SUGCT: variants seen among roughly 807,000 people sequenced by gnomAD.
The protein encoded by SUGCT is succinyl-CoA:glutarate CoA-transferase.
A neutral mutation model predicts 55.0 loss-of-function variants in SUGCT; 41 were observed. That is an observed-to-expected ratio of 0.74 (90% CI 0.58 to 0.97). The LOEUF is 0.97. Among genes scored for constraint, SUGCT ranks in the 50% least tolerant of loss-of-function variants. SUGCT has a pLI of 0.00. For synonymous variants in SUGCT, 187 were observed against 200.4 expected (o/e 0.93, Z 0.56); for missense variants, 568 against 547.8 (o/e 1.04, Z -0.37).
chr7:40,208,884 G>A (rs1471857670), intron 6 of SUGCT, among the ~76,000 whole-genome samples: 1 of 152,074 alleles, frequency 6.6e-6, no homozygotes, highest in Non-Finnish European at 1.5e-5. Flanking sequence ...TTATTTTAAG[G>A]ATTTTGTTTT....
intron 13 of SUGCT, among the ~76,000 whole-genome samples, chr7:40,776,353 T>C (rs1789452027): frequency 6.6e-6 from 1 of 152,210 alleles, no homozygotes; most frequent in Admixed American, 6.5e-5. Context: ...TTGAGTTTTG[T>C]GGGGTTTTGT....
chr7:40,248,013 G>GTT (rs70996895), intron 7 of SUGCT, among the ~76,000 whole-genome samples: 14 of 123,070 alleles, frequency 1.1e-4, no homozygotes, highest in African/African-American at 3.9e-4. Flanking sequence ...TTGTTTTTTT[G>GTT]TTTTTTTTTT....
At chr7:40,358,055 C>T (rs1175711227) in intron 9 of SUGCT, among the ~76,000 whole-genome samples, 2 of 152,112 alleles carry the variant, frequency 1.3e-5, no homozygotes, top group Non-Finnish European at 2.9e-5. Flanking sequence ...CATAGATGCC[C>T]AATAAGTAGT....
chr7:40,296,993 T>C (rs1039456669), intron 8 of SUGCT, among the ~76,000 whole-genome samples: 3 of 152,148 alleles, frequency 2.0e-5, no homozygotes, highest in Non-Finnish European at 4.4e-5. Flanking sequence ...GGAATAATAA[T>C]AGTGTTTGCC....
the SUGCT span, among the ~76,000 whole-genome samples, chr7:40,982,375 C>A: frequency 1.3e-5 from 2 of 152,182 alleles, no homozygotes; most frequent in South Asian, 4.2e-4. Context: ...AACTAAAAAC[C>A]CTTACTGGAC....
chr7:40,182,090 CT>C, intron 3 of SUGCT, 62 bp downstream of exon 3: 2 of 956,706 alleles, frequency 2.1e-6, no homozygotes, highest in Non-Finnish European at 3.2e-6. Flanking sequence ...AAATAATTCT[CT>C]AAATACCCAT....
chr7:40,336,382 C>T (rs1283487570), intron 9 of SUGCT, among the ~76,000 whole-genome samples: 3 of 152,124 alleles, frequency 2.0e-5, no homozygotes, highest in East Asian at 1.9e-4. Context: ...TAGTCCTGGA[C>T]ATTTTTTGGT....
intron 12 of SUGCT, chr7:40,499,497 G>T (rs1792166569): frequency 5.3e-6 from 1 of 188,066 alleles, no homozygotes; most frequent in African/African-American, 2.4e-5. Context: ...ATAAATGAGA[G>T]ATTGTCTACC....
At chr7:40,776,054 T>C (rs1789433307) in intron 13 of SUGCT, among the ~76,000 whole-genome samples, 1 of 152,210 alleles carries the variant, frequency 6.6e-6, no homozygotes, top group Non-Finnish European at 1.5e-5. Context: ...GCCAAGTTCC[T>C]GCTGAGCCAT....
chr7:40,772,629 A>ATCTATCTC (rs1554418170), intron 13 of SUGCT, among the ~76,000 whole-genome samples: 1 of 126,612 alleles, frequency 7.9e-6, no homozygotes, highest in African/African-American at 2.7e-5. Context: ...CTATCTATCT[A>ATCTATCTC]TCTCTATCAT....
At chr7:40,942,842 A>T in the SUGCT span, among the ~76,000 whole-genome samples, 1 of 151,746 alleles carries the variant, frequency 6.6e-6, no homozygotes, top group Non-Finnish European at 1.5e-5. Context: ...TACTTGATCT[A>T]GTCTATTGTT....
intron 9 of SUGCT, among the ~76,000 whole-genome samples, chr7:40,361,360 G>GTCAGGAGATTGAGT (rs1403784749): frequency 2.0e-5 from 3 of 151,992 alleles, no homozygotes; most frequent in Non-Finnish European, 4.4e-5. Flanking sequence ...GGATCATGAG[G>GTCAGGAGATTGAGT]TCAGGAGATC....
chr7:40,206,266 G>T (rs1026839947), intron 6 of SUGCT, among the ~76,000 whole-genome samples: 1 of 152,102 alleles, frequency 6.6e-6, no homozygotes, highest in Admixed American at 6.6e-5. Flanking sequence ...TACTTAAAAG[G>T]ATAAAAACAT....
At chr7:40,992,596 T>C in the SUGCT span, among the ~76,000 whole-genome samples, 1 of 151,980 alleles carries the variant, frequency 6.6e-6, no homozygotes, top group South Asian at 2.1e-4. Flanking sequence ...CTATAGGATC[T>C]GTGAAAACTG....
intron 11 of SUGCT, among the ~76,000 whole-genome samples, chr7:40,482,818 A>T (rs1791128087): frequency 6.6e-6 from 1 of 152,212 alleles, no homozygotes; most frequent in African/African-American, 2.4e-5. Flanking sequence ...ATAACTGTGA[A>T]TCTTAATACA....
At chr7:40,203,825 A>G (rs977900563) in intron 6 of SUGCT, among the ~76,000 whole-genome samples, 9 of 152,080 alleles carry the variant, frequency 5.9e-5, no homozygotes, top group Admixed American at 5.2e-4. Context: ...TAAGATAAAC[A>G]TATTTTGGCT....
intron 12 of SUGCT, among the ~76,000 whole-genome samples, chr7:40,653,287 AT>A (rs1337264233): frequency 1.2e-4 from 19 of 152,308 alleles, no homozygotes; most frequent in African/African-American, 4.1e-4. Context: ...GTGTAACTAC[AT>A]TTCTTTTTTC....
At chr7:40,896,991 G>T in the SUGCT span, among the ~76,000 whole-genome samples, 2 of 152,338 alleles carry the variant, frequency 1.3e-5, no homozygotes, top group South Asian at 4.1e-4. Flanking sequence ...AAACAGTACA[G>T]CACTGTGTAA....
intron 13 of SUGCT, among the ~76,000 whole-genome samples, chr7:40,842,991 G>C (rs539191906): frequency 6.6e-6 from 1 of 152,262 alleles, no homozygotes; most frequent in African/African-American, 2.4e-5. Flanking sequence ...GAGTTTCCTT[G>C]TTTTAGAAAC....
Sources: allele counts gnomAD v4.1 joint callset (sites outside exome capture counted in the v4.1 genomes callset), GRCh38; gene constraint gnomAD v4.1.1; transcripts MANE v1.5; gene names NCBI Gene and HGNC (gene_info 2026-07-23, HGNC 2026-07-21).